The following SUPT5H variants were observed in gnomAD, a reference collection of about 807,000 sequenced individuals.
The protein encoded by SUPT5H is transcription elongation factor SPT5.
In SUPT5H, 24 loss-of-function variants were observed where a neutral mutation model predicts 142.5. That is an observed-to-expected ratio of 0.17 (90% confidence interval 0.12 to 0.24). SUPT5H has a LOEUF of 0.24. Ranked by LOEUF, SUPT5H falls within the 10% of genes least tolerant of loss-of-function variation. The pLI is 1.00. For synonymous variants in SUPT5H, 546 were observed against 553.0 expected (o/e 0.99, Z 0.18); for missense variants, 893 against 1,471.8 (o/e 0.61, Z 6.43).
chr19:39,459,772 C>T, intron 9 of SUPT5H, 120 bp from the exon 10 acceptor site: 1 of 1,237,110 alleles, frequency 8.1e-7, no homozygotes, highest in Non-Finnish European at 1.2e-6. Context: ...GGCTGTCCAT[C>T]CTTCTTTCTC....
chr19:39,451,093 ATTT>A (rs74178073), intron 2 of SUPT5H, among the ~76,000 whole-genome samples: 1 of 145,750 alleles, frequency 6.9e-6, no homozygotes. Context: ...CAGATTTTGG[ATTT>A]TTTTTTTTTT....
intron 3 of SUPT5H, among the ~76,000 whole-genome samples, chr19:39,455,525 C>G (rs73035416): frequency 0.6 from 89,883 of 150,872 alleles, 27,473 homozygotes; most frequent in African/African-American, 0.74. Context: ...TTGCTGCACT[C>G]TAGCTTGGGT....
chr19:39,458,431 C>T lies in SUPT5H; in HGVS notation c.319+126C>T, dbSNP rs1306079539. On this transcript the variant is annotated intron_variant, in intron 5 of 29. Coordinates refer to ENST00000432763, the MANE Select transcript of SUPT5H (RefSeq NM_001111020.3). This position sits in a 1 kb window ranked among gnomAD's most constrained non-coding sequence, Gnocchi z 4.2. The stretch of plus-strand genomic sequence containing the variant: ...CCGGTCTGGCCCTGAGGGCTCTGAC[C>T]CATGTAGGATCCAGAGTCAGGGAGT... The T allele has an allele frequency of 6.6e-6, 10 of 1,516,392 alleles. No individual in the cohort carries two copies. Among genetic ancestry groups the T allele is most frequent in the Admixed American group, 3.9e-5 (2 of 51,660 alleles). The allele number at this position is 1,516,392 out of a possible 1,614,324, so 93.9% of individuals were successfully genotyped here. A position where few individuals can be genotyped will look rare whatever the true frequency, so the allele number is the denominator to read the frequency against.
At chr19:39,455,346 G>A (rs1452829938) in intron 3 of SUPT5H, among the ~76,000 whole-genome samples, 2 of 152,108 alleles carry the variant, frequency 1.3e-5, no homozygotes, top group African/African-American at 2.4e-5. Context: ...TGGATCATCT[G>A]AGGTTAGGAG....
chr19:39,445,729 A>AG (rs1163759968), intron 1 of SUPT5H, 75 bp from the exon 2 acceptor site: 2 of 768,200 alleles, frequency 2.6e-6, no homozygotes, highest in Non-Finnish European at 4.3e-6. Context: ...GTGGCGTAGG[A>AG]GGGGGTCCTC....
At position 39,474,145 on chromosome 19, in the gene SUPT5H, C is replaced by T. The variant is rs182756560; in HGVS notation, c.2651+24C>T. 2.1e-3 allele frequency: 3,341 copies of T among 1,605,214 alleles called. 6 individuals are homozygous for T. The highest frequency in any genetic ancestry group is 2.7e-3 in the Non-Finnish European group (3,122 of 1,175,280). Reference sequence around the variant, plus strand: ...ATGTGAGTCCACTGGGGCCTGCCCTCGTCTACCCCTGCCCAAACCCTCCTA... The same window carrying T: ...ATGTGAGTCCACTGGGGCCTGCCCTTGTCTACCCCTGCCCAAACCCTCCTA... On this transcript the variant is annotated intron_variant, in intron 26 of 29. Coordinates refer to ENST00000432763, the MANE Select transcript of SUPT5H (RefSeq NM_001111020.3). The surrounding 1 kb of genome is among the most constrained non-coding windows in gnomAD (Gnocchi z 6.5).
chr19:39,468,898 T>A, intron 14 of SUPT5H, 37 bp downstream of exon 14: 1 of 1,598,962 alleles, frequency 6.3e-7, no homozygotes, highest in East Asian at 2.2e-5. Context: ...ATGGGGGTGG[T>A]GTGAGTGTTC....
At position 39,472,816 on chromosome 19, in the gene SUPT5H, G is replaced by A. The variant is rs1435173431; in HGVS notation, c.2042G>A (p.Arg681His). 12 of 1,612,654 alleles carry A rather than the reference G, an allele frequency of 7.4e-6. No homozygotes were observed. Among genetic ancestry groups the A allele is most frequent in the South Asian group, 5.5e-5 (5 of 90,896 alleles). ...SPMHPSAGGQ[R>H]GGFGSPGGGS... Reference sequence around the variant, plus strand: ...CATTCTCCCCAATCCCCAGGTCAGCGTGGCGGCTTTGGTAGCCCAGGTGGC... The same window carrying A: ...CATTCTCCCCAATCCCCAGGTCAGCATGGCGGCTTTGGTAGCCCAGGTGGC... Residue 681 changes from arginine to histidine, a missense_variant, in exon 22 of 30, where the codon CGT (arginine) becomes CAT (histidine). Transcript: ENST00000432763. This position sits in a 1 kb window ranked among gnomAD's most constrained non-coding sequence, Gnocchi z 4.2.
rs775881092 is a variant in SUPT5H at position 39,453,409 on chromosome 19, G to A, written c.129G>A (p.Glu43=). ...GCAGTGAGAAAGAAGAAGAGCCTGAGGACGAAGAGGAGGAGGAAGAGGAGG... is the reference window on the plus strand; with the variant it reads ...GCAGTGAGAAAGAAGAAGAGCCTGAAGACGAAGAGGAGGAGGAAGAGGAGG... ...AAGSEKEEEP[E]DEEEEEEEEE... The change falls in exon 3 of 30, where the codon GAG becomes GAA. Residue 43 remains glutamate, a synonymous_variant. Transcript: ENST00000432763. 2 of 1,595,526 alleles carry A rather than the reference G, an allele frequency of 1.3e-6. No homozygotes were observed. Among genetic ancestry groups the A allele is most frequent in the South Asian group, 2.3e-5 (2 of 88,378 alleles).
At chr19:39,453,012 CAA>C (rs201092518) in intron 2 of SUPT5H, among the ~76,000 whole-genome samples, 22,623 of 109,300 alleles carry the variant, frequency 0.21, 1,809 homozygotes, top group East Asian at 0.4. Flanking sequence ...GACTCTGTCT[CAA>C]AAAAAAAAAA....
rs1400655448 is a variant in SUPT5H, at chr19:39,466,854, A to G, written c.1037+109A>G. The G allele has an allele frequency of 4.7e-6, 5 of 1,056,774 alleles. No homozygotes were observed. Among genetic ancestry groups the G allele is most frequent in the Non-Finnish European group, 7.3e-6 (5 of 683,466 alleles). The allele number at this position is 1,056,774 out of a possible 1,614,324, so 65.5% of individuals were successfully genotyped here. A position where few individuals can be genotyped will look rare whatever the true frequency, so the allele number is the denominator to read the frequency against. On this transcript the variant is annotated intron_variant, in intron 13 of 29. Coordinates refer to ENST00000432763, the MANE Select transcript of SUPT5H (RefSeq NM_001111020.3). The surrounding 1 kb of genome is among the most constrained non-coding windows in gnomAD (Gnocchi z 4.3). Reference sequence around the variant, plus strand: ...GGCCCCGCCACAGGTTTAGCCTGTGAATTGGTTAGCTTGGCAGTATAGCCT... The same window carrying G: ...GGCCCCGCCACAGGTTTAGCCTGTGGATTGGTTAGCTTGGCAGTATAGCCT...
chr19:39,456,607 C>T (rs746718508), intron 3 of SUPT5H, among the ~76,000 whole-genome samples: 25 of 151,144 alleles, frequency 1.7e-4, no homozygotes, highest in Non-Finnish European at 3.1e-4. Flanking sequence ...TTAGTAGAGA[C>T]GGGGGTTTCA....
Position 39,472,996 on chromosome 19 carries a change from T to C in SUPT5H, c.2156-16T>C. 6.2e-7 allele frequency: 1 copy of C among 1,613,050 alleles called. No individual in the cohort carries two copies. Among genetic ancestry groups the C allele is most frequent in the South Asian group, 1.1e-5 (1 of 91,064 alleles). ...GAAGGAGAGCCTGCCCAGCCTGACC[T>C]CCTGTCCCCCTGCAGGCTACATCGG... On this transcript the variant is annotated splice_polypyrimidine_tract_variant and intron_variant, in intron 22 of 29. Transcript: ENST00000432763. This position sits in a 1 kb window ranked among gnomAD's most constrained non-coding sequence, Gnocchi z 4.2.
At chr19:39,468,595 G>A in intron 13 of SUPT5H, 161 bp from the exon 14 acceptor site, 1 of 630,552 alleles carries the variant, frequency 1.6e-6, no homozygotes, top group African/African-American at 1.8e-5. Context: ...GGCCTTTGGG[G>A]TTTGTGAGAA....
chr19:39,450,823 C>T (rs1374468274), intron 2 of SUPT5H, among the ~76,000 whole-genome samples: 2 of 152,130 alleles, frequency 1.3e-5, no homozygotes, highest in Admixed American at 1.3e-4. Context: ...CATCTTAGTG[C>T]TACTGTGTCT....
chr19:39,457,849 C>A, intron 4 of SUPT5H, 109 bp downstream of exon 4: 1 of 1,526,324 alleles, frequency 6.6e-7, no homozygotes, highest in South Asian at 1.2e-5. Context: ...CAACTCCCAC[C>A]GTCCTCACCT....
At chr19:39,460,221 C>T (rs544416546) in intron 10 of SUPT5H, 1 of 482,824 alleles carries the variant, frequency 2.1e-6, no homozygotes, top group African/African-American at 1.9e-5. Context: ...TAGCTTCCTG[C>T]ACCTTTTCTT....
intron 18 of SUPT5H, among the ~76,000 whole-genome samples, chr19:39,471,149 G>A (rs2079314064): frequency 6.6e-6 from 1 of 152,172 alleles, no homozygotes; most frequent in African/African-American, 2.4e-5. Flanking sequence ...TCCAAAGGGT[G>A]TTTTAGAATG....
intron 28 of SUPT5H, 134 bp from the exon 29 acceptor site, chr19:39,475,947 C>T: frequency 1.3e-6 from 1 of 793,734 alleles, no homozygotes; most frequent in Non-Finnish European, 2.0e-6. Context: ...GGAACCAGGC[C>T]CAGCCTTGGC....
Sources: gnomAD v4.1 joint callset for allele counts (sites outside exome capture counted in the v4.1 genomes callset) on GRCh38, gnomAD v4.1.1 for gene constraint, Gnocchi (gnomAD v3.1) non-coding constraint, MANE v1.5 for transcripts, NCBI Gene and HGNC (gene_info 2026-07-23, HGNC 2026-07-21) for gene names.